Variants in CDK13 observed in about 807,000 individuals in gnomAD.
CDK13 encodes cyclin-dependent kinase 13.
CDK13 carries 40 observed loss-of-function variants against 137.6 expected under a neutral mutation model. The ratio of observed to expected loss-of-function variants is 0.29; its 90% confidence interval spans 0.23 to 0.38. The LOEUF (loss-of-function observed/expected upper bound fraction) is 0.38. Among genes scored for constraint, CDK13 ranks in the 10% least tolerant of loss-of-function variants. CDK13 has a pLI of 1.00. For synonymous variants in CDK13, 869 were observed against 760.1 expected, an observed-to-expected ratio of 1.14 and a Z score of -2.36; for missense variants, 1,704 against 1,951.8, an observed-to-expected ratio of 0.87 and a Z score of 2.39.
chr7:39,976,922 G>C (rs1250175709), intron 1 of CDK13, among the ~76,000 whole-genome samples: 1 of 152,128 alleles, frequency 6.6e-6, no homozygotes, highest in African/African-American at 2.4e-5. Flanking sequence ...GCTGTGGAGT[G>C]ATACAACAAT....
intron 5 of CDK13, among the ~76,000 whole-genome samples, chr7:40,015,485 GACTA>G (rs2116379635): frequency 6.6e-6 from 1 of 152,212 alleles, no homozygotes; most frequent in East Asian, 1.9e-4. Flanking sequence ...GGGTAATAAT[GACTA>G]ACTCACAGGT....
At chr7:40,082,221 G>C (rs1220468829) in intron 11 of CDK13, among the ~76,000 whole-genome samples, 1 of 152,002 alleles carries the variant, frequency 6.6e-6, no homozygotes, top group Non-Finnish European at 1.5e-5. Flanking sequence ...GGGCGCAGTG[G>C]CTCACGCCTG....
chr7:40,008,688 C>T (rs1784840513), intron 5 of CDK13, among the ~76,000 whole-genome samples: 1 of 151,874 alleles, frequency 6.6e-6, no homozygotes, highest in African/African-American at 2.4e-5. Context: ...TCTTTTTTTC[C>T]CCTCCTAAAA....
At chr7:39,980,146 G>T (rs548625761) in intron 1 of CDK13, among the ~76,000 whole-genome samples, 1 of 152,304 alleles carries the variant, frequency 6.6e-6, no homozygotes, top group African/African-American at 2.4e-5. Context: ...GGATATAAGG[G>T]AATAGTATAG....
intron 2 of CDK13, among the ~76,000 whole-genome samples, chr7:39,995,174 A>G (rs1784535386): frequency 6.6e-6 from 1 of 152,146 alleles, no homozygotes; most frequent in Non-Finnish European, 1.5e-5. Context: ...TATTATTGCA[A>G]ATATTCAATA....
At chr7:40,008,915 A>G (rs1441657652) in intron 5 of CDK13, among the ~76,000 whole-genome samples, 1 of 152,200 alleles carries the variant, frequency 6.6e-6, no homozygotes, top group Non-Finnish European at 1.5e-5. Flanking sequence ...ATTAAGGTAT[A>G]AGGTCAGGCA....
At chr7:40,022,273 T>C (rs1321917558) in intron 5 of CDK13, among the ~76,000 whole-genome samples, 1 of 152,230 alleles carries the variant, frequency 6.6e-6, no homozygotes, top group African/African-American at 2.4e-5. Context: ...CTAGTTTTTC[T>C]TTTCATTGCT....
intron 5 of CDK13, among the ~76,000 whole-genome samples, chr7:40,024,678 T>TC (rs1554331056): frequency 0.04 from 3,671 of 92,864 alleles, 609 homozygotes; most frequent in Middle Eastern, 0.13. Context: ...TTTTTTTTTT[T>TC]CCTGAGACAG....
At chr7:40,048,057 C>T (rs1298928312) in intron 7 of CDK13, 180 bp downstream of exon 7, 3 of 408,136 alleles carry the variant, frequency 7.4e-6, no homozygotes, top group East Asian at 7.0e-5. Flanking sequence ...ATATTTTATA[C>T]ATTATCTCAA....
chr7:40,005,939 C>A lies in CDK13; in HGVS notation c.2353+3908C>A, dbSNP rs368388692. Among the ~76,000 whole-genome samples the A allele has an allele frequency of 3.9e-4, 59 of 152,056 alleles. 1 individual carries two copies. The South Asian group carries it at 0.012, about 31-fold the overall frequency. On this transcript the variant is annotated intron_variant, in intron 5 of 13. Transcript: ENST00000181839. ...TGAGGCTTGTCATGTTCCCCAAGGC[C>A]GGCGTCAAACTCCTGGCTCAATTGA...
At chr7:40,021,154 A>ACACACAC (rs1562733257) in intron 5 of CDK13, among the ~76,000 whole-genome samples, 5 of 111,924 alleles carry the variant, frequency 4.5e-5, no homozygotes, top group African/African-American at 1.2e-4. Flanking sequence ...CACACACATA[A>ACACACAC]AGTTTTAAGT....
chr7:40,012,843 C>T (rs1173390765), intron 5 of CDK13, among the ~76,000 whole-genome samples: 1 of 148,798 alleles, frequency 6.7e-6, no homozygotes, highest in Admixed American at 6.8e-5. Context: ...ACCCGGGAGG[C>T]GGAGGTTGCA....
In CDK13 at chr7:40,096,830, G is replaced by C. The variant is rs1787057854; in HGVS notation, c.*1850G>C. The C allele has an allele frequency of 6.6e-6, 1 of 151,876 alleles. No individual in the cohort carries two copies. Among genetic ancestry groups the C allele is most frequent in the African/African-American group, 2.4e-5 (1 of 41,404 alleles). The allele number at this position is 151,876 out of a possible 1,614,324, so 9.4% of individuals were successfully genotyped here. Reference sequence around the variant, plus strand: ...ACTCTTTTTGTTGGGAGAAAGAAATGAATGGAAGAAAAAAATATGTTGCTT... The same window carrying C: ...ACTCTTTTTGTTGGGAGAAAGAAATCAATGGAAGAAAAAAATATGTTGCTT... On this transcript the variant is annotated 3_prime_UTR_variant, in exon 14 of 14. Transcript: ENST00000181839.
intron 5 of CDK13, among the ~76,000 whole-genome samples, chr7:40,022,667 C>G (rs1253282029): frequency 6.8e-6 from 1 of 146,280 alleles, no homozygotes; most frequent in African/African-American, 2.6e-5. Flanking sequence ...TTTTTTTTTC[C>G]TCTCTGTCCC....
chr7:40,050,430 C>T (rs760968694), intron 7 of CDK13, among the ~76,000 whole-genome samples: 6 of 152,118 alleles, frequency 3.9e-5, no homozygotes, highest in South Asian at 2.1e-4. Context: ...CTCACTCTGT[C>T]GCCTAGGCTG....
Position 40,039,434 on chromosome 7 carries a change from ATTTTTTTT to A in CDK13, c.2354-6386_2354-6379del, listed in dbSNP as rs976319927. On this transcript the variant is annotated intron_variant, in intron 5 of 13. Transcript: ENST00000181839. ...AGGTGCCCACGACCATGCCCGGCTA[ATTTTTTTT>A]TTTTTTTTTTTTTTTGCGACAGAGT... 1.3e-4 allele frequency among the ~76,000 whole-genome samples: 11 copies of A among 84,996 alleles called. 1 individual carries two copies. Among genetic ancestry groups the A allele is most frequent in the African/African-American group, 4.4e-4 (8 of 17,988 alleles). The allele number at this position is 84,996 out of a possible 152,430, so 55.8% of individuals were successfully genotyped here.
Position 40,078,721 on chromosome 7 carries a change from A to C in CDK13, c.2899A>C (p.Ile967Leu). ...RRKLREEFVF[I>L]PAAALDLFDY... ...ACTTTTGTAATCCTCTCATGCTAGT[A>C]TTCCTGCAGCTGCGCTAGACTTATT... The change falls in exon 11 of 14, where the codon ATT becomes CTT. Residue 967 changes from isoleucine to leucine, a missense_variant and splice_region_variant. Coordinates refer to ENST00000181839, the MANE Select transcript of CDK13 (RefSeq NM_003718.5). The C allele has an allele frequency of 6.7e-7, 1 of 1,489,942 alleles. No homozygotes were observed. Among genetic ancestry groups the C allele is most frequent in the African/African-American group, 1.4e-5 (1 of 71,314 alleles). 92.3% of individuals were successfully genotyped at this position (1,489,942 alleles called of 1,614,324 possible).
At chr7:40,082,913 C>T (rs2150539604) in intron 11 of CDK13, among the ~76,000 whole-genome samples, 1 of 150,810 alleles carries the variant, frequency 6.6e-6, no homozygotes. Context: ...CCAATCTGGG[C>T]AACATGGTAA....
chr7:40,016,375 A>T (rs1404915523), intron 5 of CDK13, among the ~76,000 whole-genome samples: 1 of 152,166 alleles, frequency 6.6e-6, no homozygotes, highest in Non-Finnish European at 1.5e-5. Context: ...CAATATGTGA[A>T]GTATTTTCAC....
Sources: allele counts gnomAD v4.1 joint callset (sites outside exome capture counted in the v4.1 genomes callset), GRCh38; gene constraint gnomAD v4.1.1; transcripts MANE v1.5; gene names NCBI Gene and HGNC (gene_info 2026-07-23, HGNC 2026-07-21).